The following CDH13 variants were observed in gnomAD, a reference collection of about 807,000 sequenced individuals.
CDH13 encodes cadherin-13.
CDH13 carries 24 observed loss-of-function variants against 63.8 expected under a neutral mutation model. The ratio of observed to expected loss-of-function variants is 0.38; its 90% CI spans 0.27 to 0.53. CDH13 has a LOEUF of 0.53. Ranked by LOEUF, CDH13 falls within the 20% of genes least tolerant of loss-of-function variation. CDH13 has a pLI of 0.85. For synonymous variants in CDH13, 503 were observed against 355.3 expected, an observed-to-expected ratio of 1.42 and a Z score of -4.67; for missense variants, 1,049 against 903.1, an observed-to-expected ratio of 1.16 and a Z score of -2.07.
intron 2 of CDH13, among the ~76,000 whole-genome samples, chr16:82,876,945 C>T (rs11864965): frequency 0.041 from 6,308 of 152,258 alleles, 166 homozygotes; most frequent in Middle Eastern, 0.14. Flanking sequence ...TTAGGCTCCC[C>T]CATTTCAAGC....
At chr16:83,734,504 T>C (rs1260438625) in intron 10 of CDH13, among the ~76,000 whole-genome samples, 1 of 151,694 alleles carries the variant, frequency 6.6e-6, no homozygotes, top group East Asian at 1.9e-4. Context: ...ACACCGCATG[T>C]TCTCACTCAT....
At chr16:83,665,597 C>T (rs1279129045) in intron 8 of CDH13, among the ~76,000 whole-genome samples, 1 of 152,288 alleles carries the variant, frequency 6.6e-6, no homozygotes, top group African/African-American at 2.4e-5. Flanking sequence ...AAGCTAAGGG[C>T]CAGATGACTA....
intron 5 of CDH13, among the ~76,000 whole-genome samples, chr16:83,255,144 C>A (rs1023526966): frequency 6.6e-6 from 1 of 152,214 alleles, no homozygotes; most frequent in Non-Finnish European, 1.5e-5. Context: ...AATACTGACT[C>A]TAGAATAAAT....
intron 2 of CDH13, among the ~76,000 whole-genome samples, chr16:83,000,589 T>C (rs1029206383): frequency 6.8e-6 from 1 of 146,274 alleles, no homozygotes; most frequent in African/African-American, 2.5e-5. Flanking sequence ...TTTTTTTTTT[T>C]TGTTTTGTTT....
At position 83,543,844 on chromosome 16, in the gene CDH13, C is replaced by T. The variant is rs148067493; in HGVS notation, c.960+57189C>T. Among the ~76,000 whole-genome samples, 549 of 152,296 alleles carry T rather than the reference C, an allele frequency of 3.6e-3. 3 individuals are homozygous for T. Among genetic ancestry groups the T allele is most frequent in the Non-Finnish European group, 4.7e-3 (318 of 68,038 alleles). ...TGGCCCCAAACGTCAGTAGTGCCAGCGTAGATAAACCCTGACCTAAGCAAA... is the reference window on the plus strand; with the variant it reads ...TGGCCCCAAACGTCAGTAGTGCCAGTGTAGATAAACCCTGACCTAAGCAAA... On this transcript the variant is annotated intron_variant, in intron 7 of 13. Transcript: ENST00000567109.
At chr16:83,188,563 A>G (rs1213022471) in intron 4 of CDH13, among the ~76,000 whole-genome samples, 1 of 152,166 alleles carries the variant, frequency 6.6e-6, no homozygotes, top group Non-Finnish European at 1.5e-5. Context: ...TTAAAGCCCC[A>G]TGCCAGGCGT....
intron 2 of CDH13, among the ~76,000 whole-genome samples, chr16:82,915,280 T>C (rs1174015553): frequency 6.6e-6 from 1 of 152,222 alleles, no homozygotes; most frequent in African/African-American, 2.4e-5. Context: ...TGTAACAGGC[T>C]AATGCATGCC....
chr16:83,183,727 G>A (rs1194541991), intron 4 of CDH13, among the ~76,000 whole-genome samples: 6 of 152,216 alleles, frequency 3.9e-5, no homozygotes, highest in African/African-American at 1.4e-4. Context: ...TTATATGGAA[G>A]TCTTGGAAAA....
intron 5 of CDH13, among the ~76,000 whole-genome samples, chr16:83,256,441 A>C (rs1906268833): frequency 6.6e-6 from 1 of 152,134 alleles, no homozygotes. Context: ...CAGAGTTCTA[A>C]TGAGGCTACA....
At chr16:82,706,288 C>G (rs558089825) in intron 1 of CDH13, among the ~76,000 whole-genome samples, 1 of 152,072 alleles carries the variant, frequency 6.6e-6, no homozygotes, top group Admixed American at 6.6e-5. Flanking sequence ...ATGAGTAACA[C>G]AGGTGATAAA....
At chr16:82,965,749 T>A (rs1381214644) in intron 2 of CDH13, among the ~76,000 whole-genome samples, 2 of 152,188 alleles carry the variant, frequency 1.3e-5, no homozygotes, top group African/African-American at 4.8e-5. Flanking sequence ...AGCCTCAGTC[T>A]CCCAAAGTGC....
chr16:82,686,266 A>G (rs1239548763), intron 1 of CDH13, among the ~76,000 whole-genome samples: 1 of 152,236 alleles, frequency 6.6e-6, no homozygotes, highest in East Asian at 1.9e-4. Flanking sequence ...TGTTGAAACT[A>G]GAACAGGAAG....
chr16:83,314,950 T>C (rs572175528), intron 5 of CDH13, among the ~76,000 whole-genome samples: 2 of 152,340 alleles, frequency 1.3e-5, no homozygotes, highest in East Asian at 3.9e-4. Context: ...CAGTGTGATA[T>C]AGCCTTGAAA....
intron 2 of CDH13, among the ~76,000 whole-genome samples, chr16:82,942,718 A>C (rs1053045309): frequency 6.6e-6 from 1 of 152,162 alleles, no homozygotes; most frequent in African/African-American, 2.4e-5. Flanking sequence ...AAATAACCTC[A>C]TTGTAAAGAT....
chr16:82,639,480 T>G (rs1472677885), intron 1 of CDH13: 1 of 1,483,270 alleles, frequency 6.7e-7, no homozygotes, highest in Non-Finnish European at 9.1e-7. Flanking sequence ...ATTTGCCTGC[T>G]GCTGTGTCGT....
intron 8 of CDH13, among the ~76,000 whole-genome samples, chr16:83,603,247 C>G (rs373782353): frequency 6.6e-6 from 1 of 152,212 alleles, no homozygotes; most frequent in Non-Finnish European, 1.5e-5. Context: ...TGGAAATGTG[C>G]TAAGATTGTG....
chr16:82,786,768 C>T (rs1037162278), intron 1 of CDH13, among the ~76,000 whole-genome samples: 1 of 151,408 alleles, frequency 6.6e-6, no homozygotes, highest in Non-Finnish European at 1.5e-5. Flanking sequence ...GGTTTTCTGT[C>T]CTTGCAATCG....
At chr16:83,029,359 A>G (rs1916096973) in intron 2 of CDH13, among the ~76,000 whole-genome samples, 1 of 152,208 alleles carries the variant, frequency 6.6e-6, no homozygotes, top group Admixed American at 6.5e-5. Context: ...GATGTACACA[A>G]GAAAGTTCCT....
chr16:83,073,004 A>G (rs2032549955), intron 3 of CDH13, among the ~76,000 whole-genome samples: 1 of 152,210 alleles, frequency 6.6e-6, no homozygotes. Flanking sequence ...TGTGAAAGAA[A>G]CACTTTTCAA....
Sources: allele counts gnomAD v4.1 joint callset (sites outside exome capture counted in the v4.1 genomes callset), GRCh38; gene constraint gnomAD v4.1.1; transcripts MANE v1.5; gene names NCBI Gene and HGNC (gene_info 2026-07-23, HGNC 2026-07-21).